ACOXL: variants seen among roughly 807,000 people sequenced by gnomAD.
The protein encoded by ACOXL is acyl-CoA oxidase like.
Under a neutral mutation model 71.9 loss-of-function variants are expected in ACOXL, and 70 were observed. The ratio of observed to expected loss-of-function variants is 0.97; its 90% CI spans 0.80 to 1.19. The LOEUF (loss-of-function observed/expected upper bound fraction) is 1.19, where lower values mean the gene tolerates loss of function less well. Among genes scored for constraint, ACOXL ranks in the 50% most tolerant of loss-of-function variants. ACOXL has a pLI of 0.00. For synonymous variants in ACOXL, 253 were observed against 281.6 expected, an observed-to-expected ratio of 0.90 and a Z score of 1.02; for missense variants, 703 against 736.3, an observed-to-expected ratio of 0.95 and a Z score of 0.52.
At chr2:111,003,384 C>T (rs1326299516) in intron 14 of ACOXL, among the ~76,000 whole-genome samples, 1 of 151,210 alleles carries the variant, frequency 6.6e-6, no homozygotes, top group African/African-American at 2.4e-5. Flanking sequence ...CCCGTCTCTA[C>T]TAAAGATTAA....
Position 110,798,630 on chromosome 2 carries a change from G to A in ACOXL, c.366G>A (p.Pro122=), listed in dbSNP as rs376602358. Reference sequence around the variant, plus strand: ...TGTAGGAGTTTGTAATTGACACGCCGTGTGAAAATGCGGAGAAGATGTATA... The same window carrying A: ...TGTAGGAGTTTGTAATTGACACGCCATGTGAAAATGCGGAGAAGATGTATA... ...LSAQEFVIDT[P]CENAEKMYIG... is the part of the protein sequence containing the mutation. The change falls in exon 6 of 18, where the codon CCG becomes CCA. Residue 122 remains proline, a synonymous_variant. Transcript: ENST00000439055. The A allele has an allele frequency of 6.9e-5, 111 of 1,613,962 alleles. 1 individual carries two copies. The highest frequency in any genetic ancestry group is 3.2e-4 in the African/African-American group (24 of 74,998).
chr2:110,872,475 C>T (rs1695397292), intron 10 of ACOXL, among the ~76,000 whole-genome samples: 1 of 152,236 alleles, frequency 6.6e-6, no homozygotes, highest in Non-Finnish European at 1.5e-5. Flanking sequence ...GGCCAGGTGT[C>T]CGTCTCCTGG....
intron 12 of ACOXL, among the ~76,000 whole-genome samples, chr2:110,946,224 A>G (rs762182906): frequency 6.6e-6 from 1 of 152,214 alleles, no homozygotes; most frequent in Non-Finnish European, 1.5e-5. Context: ...ATTTTTGTAC[A>G]TCAATTTTCT....
chr2:111,028,713 C>T (rs1437308114), intron 14 of ACOXL, among the ~76,000 whole-genome samples: 2 of 152,096 alleles, frequency 1.3e-5, no homozygotes, highest in Admixed American at 1.3e-4. Context: ...AAAAGAAAGG[C>T]GAATGGATAT....
chr2:111,026,718 G>T (rs994264211), intron 14 of ACOXL, among the ~76,000 whole-genome samples: 2 of 151,910 alleles, frequency 1.3e-5, no homozygotes, highest in African/African-American at 4.8e-5. Flanking sequence ...CCAGAAGATG[G>T]GCCTTGATTC....
At chr2:110,944,521 C>CCG (rs2061022278) in intron 12 of ACOXL, among the ~76,000 whole-genome samples, 1 of 152,058 alleles carries the variant, frequency 6.6e-6, no homozygotes, top group Non-Finnish European at 1.5e-5. Context: ...CAAGTAGGCC[C>CCG]CAGTGTCTGT....
intron 12 of ACOXL, among the ~76,000 whole-genome samples, chr2:110,975,314 C>T (rs57429354): frequency 0.09 from 13,636 of 152,062 alleles, 770 homozygotes; most frequent in South Asian, 0.18. Flanking sequence ...AAGACTAGTA[C>T]AATAAATGTC....
chr2:111,027,171 C>T (rs941820155), intron 14 of ACOXL, among the ~76,000 whole-genome samples: 1 of 152,092 alleles, frequency 6.6e-6, no homozygotes, highest in Admixed American at 6.5e-5. Flanking sequence ...GCTGGGATTA[C>T]AGGCGTGAGC....
At chr2:110,857,724 A>AATTG (rs763663771) in intron 10 of ACOXL, among the ~76,000 whole-genome samples, 18 of 151,530 alleles carry the variant, frequency 1.2e-4, no homozygotes, top group Admixed American at 2.6e-4. Context: ...TTTGTTGATT[A>AATTG]ATTGATTGAT....
chr2:110,968,153 G>T (rs562719275), intron 12 of ACOXL: 58 of 1,286,372 alleles, frequency 4.5e-5, no homozygotes, highest in African/African-American at 5.8e-5. Flanking sequence ...CTGCTGGCCC[G>T]CAGGCTTCTC....
chr2:110,840,755 C>T (rs1691069459), intron 9 of ACOXL, among the ~76,000 whole-genome samples: 1 of 152,232 alleles, frequency 6.6e-6, no homozygotes, highest in African/African-American at 2.4e-5. Flanking sequence ...ATTGCATGCA[C>T]CATATCTTGA....
intron 13 of ACOXL, among the ~76,000 whole-genome samples, chr2:110,992,831 G>C (rs1488837552): frequency 6.6e-6 from 1 of 152,166 alleles, no homozygotes; most frequent in East Asian, 1.9e-4. Context: ...TTTAGGAGGT[G>C]GTGGTAGATG....
chr2:110,861,892 C>A (rs1375633699), intron 10 of ACOXL, among the ~76,000 whole-genome samples: 5 of 152,264 alleles, frequency 3.3e-5, no homozygotes, highest in Non-Finnish European at 5.9e-5. Flanking sequence ...CCGGGTGACC[C>A]CCGCAGAATT....
At chr2:111,077,728 T>C (rs1437070262) in intron 16 of ACOXL, among the ~76,000 whole-genome samples, 10 of 152,228 alleles carry the variant, frequency 6.6e-5, no homozygotes, top group Admixed American at 5.9e-4. Flanking sequence ...TTACTTTCAG[T>C]ACTTGAAAAA....
intron 1 of ACOXL, 72 bp from the exon 2 acceptor site, chr2:110,768,296 G>GGA: frequency 2.4e-6 from 3 of 1,241,404 alleles, no homozygotes; most frequent in Non-Finnish European, 3.5e-6. Flanking sequence ...TCTGAGCCCG[G>GGA]GGTCAAAGCA....
intron 13 of ACOXL, among the ~76,000 whole-genome samples, chr2:110,994,632 A>G (rs1432303431): frequency 6.6e-6 from 1 of 152,162 alleles, no homozygotes; most frequent in Non-Finnish European, 1.5e-5. Context: ...TTGGCATGAA[A>G]TAGAGTTTCA....
chr2:110,909,016 G>C (rs1357301488), intron 11 of ACOXL, 111 bp downstream of exon 11: 1 of 807,412 alleles, frequency 1.2e-6, no homozygotes, highest in Non-Finnish European at 1.9e-6. Context: ...GATCAGGAAA[G>C]AGTCTGTTGT....
chr2:110,980,107 A>G (rs2062637214), intron 12 of ACOXL, among the ~76,000 whole-genome samples: 1 of 152,210 alleles, frequency 6.6e-6, no homozygotes, highest in African/African-American at 2.4e-5. Context: ...TGTTTCACCC[A>G]CATTGAGGAA....
At chr2:110,871,980 C>A (rs78265967) in intron 10 of ACOXL, among the ~76,000 whole-genome samples, 4,586 of 152,324 alleles carry the variant, frequency 0.03, 103 homozygotes, top group Non-Finnish European at 0.048. Flanking sequence ...ATGCATTCAA[C>A]TGTAATGATT....
Sources: allele counts gnomAD v4.1 joint callset (sites outside exome capture counted in the v4.1 genomes callset), GRCh38; gene constraint gnomAD v4.1.1; transcripts MANE v1.5; gene names NCBI Gene and HGNC (gene_info 2026-07-23, HGNC 2026-07-21).